The following ANK1 variants were observed in gnomAD, a reference collection of about 807,000 sequenced individuals.
ANK1 encodes the protein ankyrin 1, also known as ankyrin-1.
Under a neutral mutation model 210.4 loss-of-function variants are expected in ANK1, and 51 were observed. That is an observed-to-expected ratio of 0.24 (90% CI 0.19 to 0.31). ANK1 has a LOEUF of 0.31. ANK1 is among the 10% of genes least tolerant of loss of function. The probability of loss-of-function intolerance (pLI) is 1.00; values close to 1 mark genes in which losing one functional copy is unlikely to be tolerated. For synonymous variants in ANK1, 967 were observed against 1,025.9 expected (o/e 0.94, Z 1.10); for missense variants, 2,051 against 2,504.4 (o/e 0.82, Z 3.86).
chr8:41,667,059 T>G (rs117486278), intron 39 of ANK1, among the ~76,000 whole-genome samples: 1 of 152,218 alleles, frequency 6.6e-6, no homozygotes, highest in African/African-American at 2.4e-5. Context: ...AGAGACCCAG[T>G]TAAGATCATG....
At chr8:41,772,569 T>C (rs937353104) in intron 1 of ANK1, among the ~76,000 whole-genome samples, 4 of 152,244 alleles carry the variant, frequency 2.6e-5, no homozygotes, top group African/African-American at 7.2e-5. Flanking sequence ...CAAACATCCA[T>C]GGTCAAGATC....
chr8:41,852,706 C>T (rs768839232), intron 1 of ANK1, among the ~76,000 whole-genome samples: 2 of 152,212 alleles, frequency 1.3e-5, no homozygotes, highest in Non-Finnish European at 2.9e-5. Context: ...CAGCTCACCA[C>T]GGTCCGATGA....
chr8:41,803,031 A>AAGAAAGAAAG (rs1403108366), intron 1 of ANK1, among the ~76,000 whole-genome samples: 1 of 97,120 alleles, frequency 1.0e-5, no homozygotes, highest in Non-Finnish European at 2.1e-5. Context: ...GAAAGAAAGA[A>AAGAAAGAAAG]AGAAAGAAAG....
At chr8:41,720,284 G>A (rs1193421953) in intron 9 of ANK1, among the ~76,000 whole-genome samples, 1 of 152,092 alleles carries the variant, frequency 6.6e-6, no homozygotes, top group African/African-American at 2.4e-5. Flanking sequence ...GCCCCACAGT[G>A]CCAAATACAT....
At chr8:41,876,220 G>A (rs1816574751) in intron 1 of ANK1, among the ~76,000 whole-genome samples, 1 of 152,172 alleles carries the variant, frequency 6.6e-6, no homozygotes. Context: ...ACCAGCACGT[G>A]GGGCGCTGCC....
intron 1 of ANK1, among the ~76,000 whole-genome samples, chr8:41,870,228 C>T (rs1815215339): frequency 2.6e-5 from 4 of 151,944 alleles, no homozygotes; most frequent in African/African-American, 9.7e-5. Flanking sequence ...CGAGATTATG[C>T]ATGTGAAGGT....
At chr8:41,744,968 A>G (rs1348199998) in intron 2 of ANK1, among the ~76,000 whole-genome samples, 1 of 152,248 alleles carries the variant, frequency 6.6e-6, no homozygotes. Flanking sequence ...CTGAGGGCCT[A>G]TTCCAGATGG....
At chr8:41,748,603 T>A (rs1836770259) in intron 2 of ANK1, among the ~76,000 whole-genome samples, 1 of 152,224 alleles carries the variant, frequency 6.6e-6, no homozygotes, top group Non-Finnish European at 1.5e-5. Flanking sequence ...GAGACTTGTA[T>A]CCTTCCTTCA....
chr8:41,838,910 C>T lies in ANK1; in HGVS notation c.126+57445G>A, dbSNP rs1286705862. On this transcript the variant is annotated intron_variant, in intron 1 of 42. Transcript: ENST00000265709. ...TGGCCAACATGGTGAAACCCTGCCT[C>T]TACTAAAAGTACAAAAATTAGTACG... Among the ~76,000 whole-genome samples the T allele has an allele frequency of 3.9e-5, 6 of 152,056 alleles. No homozygotes were observed. In the East Asian group the frequency reaches 9.6e-4, roughly 24 times the overall value.
chr8:41,769,959 CT>C (rs985893689), intron 1 of ANK1, among the ~76,000 whole-genome samples: 12 of 115,060 alleles, frequency 1.0e-4, no homozygotes, highest in East Asian at 7.6e-4. Context: ...TATATATCTT[CT>C]TTTTTTTTTC....
chr8:41,836,462 C>G (rs551932927), intron 1 of ANK1, among the ~76,000 whole-genome samples: 1 of 152,226 alleles, frequency 6.6e-6, no homozygotes, highest in South Asian at 2.1e-4. Flanking sequence ...TGAGCACAGC[C>G]GTGCTGGGCC....
intron 1 of ANK1, among the ~76,000 whole-genome samples, chr8:41,849,123 G>T (rs764741977): frequency 6.6e-6 from 1 of 152,156 alleles, no homozygotes; most frequent in Admixed American, 6.5e-5. Flanking sequence ...ATTATTTTAG[G>T]GACCTTTGAA....
intron 2 of ANK1, among the ~76,000 whole-genome samples, chr8:41,747,254 T>A (rs942257501): frequency 1.3e-5 from 2 of 152,106 alleles, no homozygotes; most frequent in Non-Finnish European, 2.9e-5. Flanking sequence ...CCAATTCTCA[T>A]TCCTCCTCTA....
intron 42 of ANK1, 26 bp downstream of exon 42, chr8:41,661,404 A>C (rs1808100366): frequency 6.8e-6 from 11 of 1,613,014 alleles, no homozygotes; most frequent in Non-Finnish European, 9.3e-6. Flanking sequence ...CAGGCCATGC[A>C]GAGGGGATGA....
intron 2 of ANK1, among the ~76,000 whole-genome samples, chr8:41,754,598 G>A (rs1266766833): frequency 1.3e-5 from 2 of 152,210 alleles, no homozygotes; most frequent in South Asian, 4.1e-4. Flanking sequence ...GATTCAAGCC[G>A]AAAGCAAATT....
intron 33 of ANK1, 150 bp from the exon 34 acceptor site, chr8:41,688,739 G>A: frequency 1.4e-6 from 1 of 740,712 alleles, no homozygotes. Context: ...AACACAAAGA[G>A]TAACACATGG....
intron 35 of ANK1, among the ~76,000 whole-genome samples, chr8:41,686,957 A>G (rs1563420110): frequency 6.6e-6 from 1 of 152,152 alleles, no homozygotes; most frequent in Non-Finnish European, 1.5e-5. Context: ...ACACGCACAT[A>G]CAACACAAAC....
chr8:41,709,064 G>A (rs933817836), intron 16 of ANK1, 89 bp from the exon 17 acceptor site: 2 of 1,514,654 alleles, frequency 1.3e-6, no homozygotes, highest in African/African-American at 2.7e-5. Context: ...TCTGGTTCTT[G>A]GCCGGCTGGA....
chr8:41,716,504 G>A (rs58123140), intron 13 of ANK1, among the ~76,000 whole-genome samples: 6,152 of 152,146 alleles, frequency 0.04, 404 homozygotes, highest in African/African-American at 0.14. Flanking sequence ...TAGGAAGCCT[G>A]CTGTTGGCCG....
Sources: allele counts gnomAD v4.1 joint callset (sites outside exome capture counted in the v4.1 genomes callset), GRCh38; gene constraint gnomAD v4.1.1; transcripts MANE v1.5; gene names NCBI Gene and HGNC (gene_info 2026-07-23, HGNC 2026-07-21).